Variants in EDRF1 observed in about 807,000 individuals in gnomAD.
EDRF1 encodes erythroid differentiation-related factor 1.
In EDRF1, 69 loss-of-function variants were observed where a neutral mutation model predicts 148.7. The observed-to-expected ratio is 0.46, with a 90% CI of 0.38 to 0.57. EDRF1 has a LOEUF of 0.57. Ranked by LOEUF, EDRF1 falls within the 20% of genes least tolerant of loss-of-function variation. EDRF1 has a pLI of 0.00. For missense variants in EDRF1, 1,118 were observed against 1,478.7 expected (o/e 0.76, Z 4.00); for synonymous variants, 515 against 532.8 (o/e 0.97, Z 0.46).
At chr10:125,725,625 T>A in intron 5 of EDRF1, 57 bp from the exon 6 acceptor site, 1 of 1,607,414 alleles carries the variant, frequency 6.2e-7, no homozygotes, top group Non-Finnish European at 8.5e-7. Context: ...ACGGGTAGAC[T>A]GTTGCATGAA....
chr10:125,720,070 G>T (rs767849331), intron 1 of EDRF1, among the ~76,000 whole-genome samples, 155 bp downstream of exon 1: 2 of 152,222 alleles, frequency 1.3e-5, no homozygotes, highest in Non-Finnish European at 2.9e-5. Flanking sequence ...GCTCCAGTCG[G>T]CAGGTATTCG....
At chr10:125,747,727 C>A (rs757702527) in intron 20 of EDRF1, 33 bp downstream of exon 20, 1 of 1,613,168 alleles carries the variant, frequency 6.2e-7, no homozygotes, top group Admixed American at 1.7e-5. Context: ...AAAATAAGTT[C>A]TCAATCTAAT....
At chr10:125,742,219 G>C in intron 17 of EDRF1, 1 of 1,289,272 alleles carries the variant, frequency 7.8e-7, no homozygotes, top group South Asian at 1.2e-5. Context: ...GGAATTGTCA[G>C]GCTTTAAAAC....
At chr10:125,727,639 A>G (rs1229473231) in intron 6 of EDRF1, among the ~76,000 whole-genome samples, 4 of 152,238 alleles carry the variant, frequency 2.6e-5, no homozygotes, top group Non-Finnish European at 5.9e-5. Flanking sequence ...ACAAGGCACA[A>G]TAGAAGTGCT....
At chr10:125,759,717 AT>A (rs971906199) in intron 24 of EDRF1, among the ~76,000 whole-genome samples, 71 of 147,716 alleles carry the variant, frequency 4.8e-4, no homozygotes, top group African/African-American at 1.1e-3. Context: ...ATTTTTATTT[AT>A]TTTTTTTTTT....
At chr10:125,748,325 G>A (rs1484525219) in intron 21 of EDRF1, 12 of 416,680 alleles carry the variant, frequency 2.9e-5, no homozygotes, top group Non-Finnish European at 4.9e-5. Context: ...TCTCAGCTCA[G>A]TAGTCATTAA....
At chr10:125,721,457 C>T in intron 2 of EDRF1, 45 bp downstream of exon 2, 14 of 1,544,068 alleles carry the variant, frequency 9.1e-6, no homozygotes, top group Non-Finnish European at 1.3e-5. Flanking sequence ...TCCACCCTCA[C>T]TTAAAACTCT....
chr10:125,721,088 T>C, intron 1 of EDRF1, 116 bp from the exon 2 acceptor site: 1 of 938,890 alleles, frequency 1.1e-6, no homozygotes, highest in African/African-American at 1.6e-5. Flanking sequence ...GTTAGTAACA[T>C]GTGGCATACG....
intron 12 of EDRF1, among the ~76,000 whole-genome samples, chr10:125,734,736 CT>C (rs778596110): frequency 2.5e-4 from 38 of 152,170 alleles, no homozygotes; most frequent in Non-Finnish European, 4.7e-4. Flanking sequence ...GAAAAAGCAT[CT>C]CTTAAAATAT....
In EDRF1 at chr10:125,725,458, T is replaced by C. The variant is rs766381595; in HGVS notation, c.635+16T>C. ...TATATTACAGGTACTTGGCTACTTA[T>C]TTATCTCTAAAGAGAAAAAGGGAAT... On this transcript the variant is annotated intron_variant, in intron 5 of 24. Coordinates refer to ENST00000356792, the MANE Select transcript of EDRF1 (RefSeq NM_001202438.2). 3 of 1,613,630 alleles carry C rather than the reference T, an allele frequency of 1.9e-6. No homozygotes were observed. The highest frequency in any genetic ancestry group is 1.7e-6 in the Non-Finnish European group (2 of 1,179,774).
intron 15 of EDRF1, among the ~76,000 whole-genome samples, chr10:125,739,098 C>T (rs895606420): frequency 6.6e-6 from 1 of 151,910 alleles, no homozygotes; most frequent in African/African-American, 2.4e-5. Flanking sequence ...TTTCTTTCCC[C>T]CTTTTAAATC....
rs1222417647 is a variant in EDRF1 at position 125,719,879 on chromosome 10, C to A, written c.72C>A (p.Leu24=). The change falls in exon 1 of 25, where the codon CTC becomes CTA. Residue 24 remains leucine, a synonymous_variant. Transcript: ENST00000356792. The part of the protein sequence containing the change: ...AGAAARGGLS[L]LSQGESEESS... ...CCGCCGCTCGAGGAGGGCTCAGCCTCCTGTCCCAGGGAGAATCCGAGGAAT... is the reference window on the plus strand; with the variant it reads ...CCGCCGCTCGAGGAGGGCTCAGCCTACTGTCCCAGGGAGAATCCGAGGAAT... 4 of 1,613,076 alleles carry A rather than the reference C, an allele frequency of 2.5e-6. No homozygotes were observed. The highest frequency in any genetic ancestry group is 3.4e-6 in the Non-Finnish European group (4 of 1,179,888).
intron 24 of EDRF1, among the ~76,000 whole-genome samples, chr10:125,762,633 A>G (rs1589886150): frequency 6.6e-6 from 1 of 152,230 alleles, no homozygotes; most frequent in Admixed American, 6.5e-5. Flanking sequence ...TTTCAGGTAG[A>G]GTACTGTCTA....
chr10:125,751,627 T>C (rs913161596), intron 22 of EDRF1, among the ~76,000 whole-genome samples: 4 of 152,210 alleles, frequency 2.6e-5, no homozygotes, highest in Non-Finnish European at 5.9e-5. Context: ...GCAACAGTTA[T>C]TCTCTCCCCA....
At chr10:125,749,970 G>A (rs897177088) in intron 22 of EDRF1, among the ~76,000 whole-genome samples, 22 of 151,984 alleles carry the variant, frequency 1.4e-4, no homozygotes, top group South Asian at 2.1e-4. Context: ...GTGAAACCCC[G>A]TCTCTACTAA....
At chr10:125,745,678 A>G (rs1849315232) in intron 18 of EDRF1, 29 bp from the exon 19 acceptor site, 1 of 1,608,314 alleles carries the variant, frequency 6.2e-7, no homozygotes, top group South Asian at 1.1e-5. Context: ...GTCTGCTTAC[A>G]CAGTTGTTTT....
chr10:125,744,303 C>G (rs968501265), intron 18 of EDRF1, among the ~76,000 whole-genome samples: 4 of 151,604 alleles, frequency 2.6e-5, no homozygotes, highest in Admixed American at 1.3e-4. Flanking sequence ...GCCACAGCCT[C>G]GAACTCCTGG....
intron 14 of EDRF1, 30 bp downstream of exon 14, chr10:125,738,019 C>A (rs3740180): frequency 0.76 from 1,214,121 of 1,600,972 alleles, 464,211 homozygotes; most frequent in East Asian, 0.91. Flanking sequence ...TCACTTTTTT[C>A]GTAAAGTTTG....
chr10:125,720,221 G>A (rs1673800903), intron 1 of EDRF1, among the ~76,000 whole-genome samples: 1 of 152,182 alleles, frequency 6.6e-6, no homozygotes, highest in African/African-American at 2.4e-5. Flanking sequence ...GTAGTGACTC[G>A]CCGAGAATGA....
Sources: allele counts gnomAD v4.1 joint callset (sites outside exome capture counted in the v4.1 genomes callset), GRCh38; gene constraint gnomAD v4.1.1; transcripts MANE v1.5; gene names NCBI Gene and HGNC (gene_info 2026-07-23, HGNC 2026-07-21).